The following PPIP5K2 variants were observed in gnomAD, a reference collection of about 807,000 sequenced individuals.
The protein encoded by PPIP5K2 is inositol hexakisphosphate and diphosphoinositol-pentakisphosphate kinase 2.
Under a neutral mutation model 154.6 loss-of-function variants are expected in PPIP5K2, and 105 were observed. The observed-to-expected ratio is 0.68, with a 90% CI of 0.58 to 0.80. PPIP5K2 has a LOEUF of 0.80. PPIP5K2 is among the 30% of genes least tolerant of loss of function. PPIP5K2 has a pLI of 0.00. For missense variants in PPIP5K2, 992 were observed against 1,504.6 expected (o/e 0.66, Z 5.64); for synonymous variants, 480 against 490.3 (o/e 0.98, Z 0.28).
At chr5:103,138,520 T>C (rs376644240) in intron 5 of PPIP5K2, 51 bp downstream of exon 5, 482 of 1,176,936 alleles carry the variant, frequency 4.1e-4, no homozygotes, top group Non-Finnish European at 5.5e-4. Flanking sequence ...GACATACTTT[T>C]GGGCCACATT....
intron 5 of PPIP5K2, among the ~76,000 whole-genome samples, chr5:103,139,650 C>A (rs1792212612): frequency 6.6e-6 from 1 of 152,076 alleles, no homozygotes; most frequent in African/African-American, 2.4e-5. Flanking sequence ...TCAAGAACAT[C>A]CAGAAAAATG....
intron 23 of PPIP5K2, among the ~76,000 whole-genome samples, chr5:103,178,344 T>C (rs1429613178): frequency 6.6e-6 from 1 of 151,940 alleles, no homozygotes; most frequent in Admixed American, 6.6e-5. Context: ...CAAGAGTTCA[T>C]ACTTTTTCTG....
chr5:103,121,755 A>G (rs1038928905), intron 1 of PPIP5K2, among the ~76,000 whole-genome samples: 2 of 152,240 alleles, frequency 1.3e-5, no homozygotes, highest in African/African-American at 4.8e-5. Context: ...TTAAAATCAA[A>G]GGTTGCTGTT....
intron 25 of PPIP5K2, 91 bp from the exon 26 acceptor site, chr5:103,184,581 C>G: frequency 1.1e-6 from 1 of 909,934 alleles, no homozygotes; most frequent in South Asian, 1.6e-5. Context: ...GCTTATTAAC[C>G]TTTGTCTGTC....
intron 1 of PPIP5K2, among the ~76,000 whole-genome samples, chr5:103,127,583 A>C (rs2149445483): frequency 6.6e-6 from 1 of 152,296 alleles, no homozygotes; most frequent in South Asian, 2.1e-4. Flanking sequence ...GTCAGTAGGG[A>C]GTTTGGTTTA....
chr5:103,191,128 T>A (rs1172958934), intron 29 of PPIP5K2, 146 bp downstream of exon 29: 4 of 621,158 alleles, frequency 6.4e-6, no homozygotes, highest in Non-Finnish European at 1.0e-5. Flanking sequence ...TTATTAGGAA[T>A]TCTTTGGTGT....
intron 28 of PPIP5K2, chr5:103,189,372 G>A: frequency 1.8e-6 from 1 of 557,968 alleles, no homozygotes; most frequent in Non-Finnish European, 3.1e-6. Context: ...ATTGTCATTT[G>A]CCTGTTATAA....
intron 8 of PPIP5K2, 137 bp from the exon 9 acceptor site, chr5:103,151,116 C>T (rs1489757852): frequency 1.7e-6 from 1 of 574,664 alleles, no homozygotes; most frequent in South Asian, 5.1e-5. Flanking sequence ...TCTTTCATTT[C>T]TTATTATGAA....
chr5:103,178,444 G>A (rs986547482), intron 23 of PPIP5K2, among the ~76,000 whole-genome samples: 5 of 151,638 alleles, frequency 3.3e-5, no homozygotes, highest in African/African-American at 9.7e-5. Context: ...TTACTTGATT[G>A]CTCTATTTGT....
At chr5:103,157,455 G>T (rs1795582436) in intron 14 of PPIP5K2, among the ~76,000 whole-genome samples, 1 of 152,052 alleles carries the variant, frequency 6.6e-6, no homozygotes, top group African/African-American at 2.4e-5. Context: ...TCCTAAAAAT[G>T]ATGCAAATCA....
intron 30 of PPIP5K2, among the ~76,000 whole-genome samples, chr5:103,198,611 G>A (rs1802488616): frequency 6.6e-6 from 1 of 151,964 alleles, no homozygotes; most frequent in African/African-American, 2.4e-5. Context: ...TTTGATTATT[G>A]GATATTCTTA....
intron 28 of PPIP5K2, 125 bp downstream of exon 28, chr5:103,187,501 A>G (rs1800583967): frequency 1.4e-6 from 1 of 705,812 alleles, no homozygotes; most frequent in African/African-American, 1.8e-5. Context: ...ATTGGCGTAC[A>G]ATTCCAACTT....
intron 17 of PPIP5K2, among the ~76,000 whole-genome samples, chr5:103,162,763 T>C (rs1430229894): frequency 6.6e-6 from 1 of 152,138 alleles, no homozygotes; most frequent in Admixed American, 6.6e-5. Flanking sequence ...GTTTAAGATA[T>C]CTTTTTCGGA....
At position 103,153,802 on chromosome 5, in the gene PPIP5K2, A is replaced by C. The variant is rs541328955; in HGVS notation, c.1131-46A>C. The C allele has an allele frequency of 1.4e-5, 19 of 1,360,214 alleles. No individual in the cohort carries two copies. In the African/African-American group the frequency reaches 2.1e-4, roughly 15 times the overall value. The allele number at this position is 1,360,214 out of a possible 1,614,324, so 84.3% of individuals were successfully genotyped here. On this transcript the variant is annotated intron_variant, in intron 10 of 30. Transcript: ENST00000358359. ...CATATTAATCTGAATTATACAACACAAATCTTTTTTAGAGAATTAAGAACA... is the reference window on the plus strand; with the variant it reads ...CATATTAATCTGAATTATACAACACCAATCTTTTTTAGAGAATTAAGAACA...
intron 24 of PPIP5K2, 111 bp from the exon 25 acceptor site, chr5:103,183,123 T>C: frequency 1.0e-6 from 1 of 987,652 alleles, no homozygotes; most frequent in Non-Finnish European, 1.3e-6. Context: ...CAAACTGTAT[T>C]TTTTTTTCTT....
At chr5:103,179,832 C>T (rs1042608656) in intron 23 of PPIP5K2, among the ~76,000 whole-genome samples, 189 bp from the exon 24 acceptor site, 1 of 152,080 alleles carries the variant, frequency 6.6e-6, no homozygotes, top group African/African-American at 2.4e-5. Flanking sequence ...CTCAGAGACT[C>T]TGCCTTTTCC....
chr5:103,134,463 C>A (rs919008867), intron 3 of PPIP5K2, among the ~76,000 whole-genome samples: 10 of 152,100 alleles, frequency 6.6e-5, no homozygotes, highest in Non-Finnish European at 1.5e-4. Context: ...ATGTTAAAGT[C>A]TTACTTCAGC....
At chr5:103,180,321 TTAAA>T in intron 24 of PPIP5K2, 133 bp downstream of exon 24, 5 of 642,496 alleles carry the variant, frequency 7.8e-6, no homozygotes, top group Non-Finnish European at 1.1e-5. Flanking sequence ...TAATCTATTT[TTAAA>T]TAAATTACAA....
At chr5:103,123,455 G>A (rs1789122880) in intron 1 of PPIP5K2, among the ~76,000 whole-genome samples, 2 of 152,208 alleles carry the variant, frequency 1.3e-5, no homozygotes, top group African/African-American at 4.8e-5. Context: ...TTTGAGATTA[G>A]TATTAACAAG....
Sources: gnomAD v4.1 joint callset for allele counts (sites outside exome capture counted in the v4.1 genomes callset) on GRCh38, gnomAD v4.1.1 for gene constraint, MANE v1.5 for transcripts, NCBI Gene and HGNC (gene_info 2026-07-23, HGNC 2026-07-21) for gene names.